Variants in USP26 observed in about 807,000 individuals in gnomAD.
USP26 encodes the protein ubiquitin specific peptidase 26.
For missense variants in USP26, 649 were observed against 642.3 expected (o/e 1.01, Z -0.11); for synonymous variants, 236 against 240.6 (o/e 0.98, Z 0.18).
intron 5 of USP26, among the ~76,000 whole-genome samples, chrX:133,065,415 G>A (rs1398259922): frequency 9.0e-6 from 1 of 111,524 alleles, no homozygotes; most frequent in Admixed American, 9.5e-5. Context: ...ACCTGGCAGA[G>A]ACACAACAAA....
In USP26 at chrX:133,025,403, C is replaced by T. The variant is rs41300303; in HGVS notation, c.*76G>A. 0.016 allele frequency: 18,887 copies of T among 1,196,384 alleles called. 430 individuals carry two copies. The highest frequency in any genetic ancestry group is 0.11 in the East Asian group (3,807 of 33,394). On this transcript the variant is annotated 3_prime_UTR_variant, in exon 6 of 6. Transcript: ENST00000511190. ...CATTTTCATCTCTGGATAAAGTTCACAGTTTTCCTTCCATGGAGGAAGTGG... is the reference window on the plus strand; with the variant it reads ...CATTTTCATCTCTGGATAAAGTTCATAGTTTTCCTTCCATGGAGGAAGTGG...
chrX:133,042,089 C>T, intron 5 of USP26, among the ~76,000 whole-genome samples: 1 of 112,167 alleles, frequency 8.9e-6, no homozygotes, highest in East Asian at 2.8e-4. Flanking sequence ...AGGTTGACTT[C>T]AGACTGCTGT....
chrX:133,074,461 T>C (rs1416756772), intron 5 of USP26, among the ~76,000 whole-genome samples: 1 of 112,100 alleles, frequency 8.9e-6, no homozygotes, highest in Non-Finnish European at 1.9e-5. Flanking sequence ...TGCACACACA[T>C]AAGCAGATCC....
intron 1 of USP26, among the ~76,000 whole-genome samples, chrX:133,095,093 C>CAAAAAAAAAAAAAAAAAAAAAA: frequency 3.9e-5 from 2 of 51,227 alleles, no homozygotes; most frequent in South Asian, 1.6e-3. Context: ...AGACTCTTGT[C>CAAAAAAAAAAAAAAAAAAAAAA]AAAAAAAAAA....
chrX:133,027,144 C>T lies in USP26; in HGVS notation c.1077G>A (p.Met359Ile), dbSNP rs2148525063. The T allele has an allele frequency of 8.3e-7, 1 of 1,210,573 alleles. No individual in the cohort carries two copies. The highest frequency in any genetic ancestry group is 3.0e-5 in the East Asian group (1 of 33,799). ...KDTYNIEIKE[M>I]LLLNLKKAIS... Reference sequence around the variant, plus strand: ...TGGCCTTTTTAAGATTCAAGAGTAACATCTCCTTGATTTCTATATTATAGG... The same window carrying T: ...TGGCCTTTTTAAGATTCAAGAGTAATATCTCCTTGATTTCTATATTATAGG... The change falls in exon 6 of 6, where the codon ATG becomes ATA. Residue 359 changes from methionine (M) to isoleucine (I), a missense_variant. Coordinates refer to ENST00000511190, the MANE Select transcript of USP26 (RefSeq NM_031907.3).
chrX:133,088,020 A>T (rs1421656100), intron 4 of USP26, among the ~76,000 whole-genome samples: 1 of 111,431 alleles, frequency 9.0e-6, no homozygotes, highest in African/African-American at 3.3e-5. Flanking sequence ...AAAAGTAAAA[A>T]ATCAGTTGGG....
intron 5 of USP26, among the ~76,000 whole-genome samples, chrX:133,036,979 T>C (rs1190248792): frequency 2.7e-5 from 3 of 112,746 alleles, no homozygotes; most frequent in Non-Finnish European, 5.6e-5. Flanking sequence ...ATGTCTTCTT[T>C]TGAGGAGTAT....
At chrX:133,073,980 C>G (rs770509023) in intron 5 of USP26, among the ~76,000 whole-genome samples, 3 of 111,347 alleles carry the variant, frequency 2.7e-5, no homozygotes, top group African/African-American at 9.8e-5. Flanking sequence ...AGATAATGTA[C>G]TGCCTTTATA....
intron 5 of USP26, among the ~76,000 whole-genome samples, chrX:133,032,305 C>T (rs2067380408): frequency 9.0e-6 from 1 of 111,393 alleles, no homozygotes; most frequent in Admixed American, 9.5e-5. Context: ...CACGTGATGA[C>T]AATATGCAGC....
intron 4 of USP26, among the ~76,000 whole-genome samples, chrX:133,084,627 C>A (rs1243753417): frequency 9.1e-6 from 1 of 109,544 alleles, no homozygotes; most frequent in Non-Finnish European, 1.9e-5. Context: ...GATTCTCCTG[C>A]CTCAGCCTCC....
chrX:133,068,333 T>C (rs979783313), intron 5 of USP26, among the ~76,000 whole-genome samples: 14 of 112,054 alleles, frequency 1.2e-4, no homozygotes, highest in African/African-American at 3.9e-4. Flanking sequence ...TTAAGTAATC[T>C]GTACACAAAA....
At chrX:133,043,895 A>G (rs1469247467) in intron 5 of USP26, among the ~76,000 whole-genome samples, 3 of 111,886 alleles carry the variant, frequency 2.7e-5, no homozygotes, top group Non-Finnish European at 3.8e-5. Flanking sequence ...AAAACAAAAA[A>G]CAAAACAAAA....
intron 4 of USP26, among the ~76,000 whole-genome samples, chrX:133,085,728 T>G (rs1489599944): frequency 2.7e-5 from 3 of 111,750 alleles, no homozygotes; most frequent in Non-Finnish European, 5.6e-5. Flanking sequence ...AATATTTGAG[T>G]CTAGTAACAT....
chrX:133,054,963 T>G (rs988320738), intron 5 of USP26, among the ~76,000 whole-genome samples: 7 of 112,180 alleles, frequency 6.2e-5, no homozygotes, highest in Admixed American at 5.7e-4. Flanking sequence ...GGCTGCTGCT[T>G]AAATGCAGAT....
chrX:133,034,077 T>C (rs1295499094), intron 5 of USP26, among the ~76,000 whole-genome samples: 1 of 111,693 alleles, frequency 9.0e-6, no homozygotes, highest in Non-Finnish European at 1.9e-5. Context: ...GATTCCCACG[T>C]TTGAGTTTTC....
At chrX:133,035,583 A>C (rs760690658) in intron 5 of USP26, among the ~76,000 whole-genome samples, 3 of 111,644 alleles carry the variant, frequency 2.7e-5, no homozygotes, top group Non-Finnish European at 3.8e-5. Context: ...ATCTGTGGAG[A>C]CTAATTTAGC....
rs1281130434 is a variant in USP26 at position 133,024,079 on chromosome X, T to C, written c.*1400A>G. Among the ~76,000 whole-genome samples the C allele has an allele frequency of 9.0e-6, 1 of 111,395 alleles. No homozygotes were observed. The highest frequency in any genetic ancestry group is 3.3e-5 in the African/African-American group (1 of 30,629). On this transcript the variant is annotated 3_prime_UTR_variant, in exon 6 of 6. Transcript: ENST00000511190. ...CATGCTTGATGGCAAAATTATTAAA[T>C]CCCCTGGATTTTAATGAAATATGAC...
chrX:133,045,468 A>C (rs1374350424), intron 5 of USP26, among the ~76,000 whole-genome samples: 1 of 112,106 alleles, frequency 8.9e-6, no homozygotes, highest in African/African-American at 3.2e-5. Context: ...ACACTGTGGA[A>C]ACTTTGTTCT....
intron 5 of USP26, among the ~76,000 whole-genome samples, chrX:133,063,381 C>A (rs1456379067): frequency 1.8e-5 from 2 of 110,984 alleles, no homozygotes; most frequent in Non-Finnish European, 3.8e-5. Flanking sequence ...ACAGAGAACA[C>A]CACTAAGATA....
Sources: gnomAD v4.1 joint callset for allele counts (sites outside exome capture counted in the v4.1 genomes callset) on GRCh38, gnomAD v4.1.1 for gene constraint, MANE v1.5 for transcripts, NCBI Gene and HGNC (gene_info 2026-07-23, HGNC 2026-07-21) for gene names.